Variants in LINGO2 observed in about 807,000 individuals in gnomAD.
LINGO2 encodes the protein leucine-rich repeat and immunoglobulin-like domain-containing nogo receptor-interacting protein 2.
A neutral mutation model predicts 30.6 loss-of-function variants in LINGO2; 14 were observed. That is an observed-to-expected ratio of 0.46 (90% CI 0.30 to 0.72). The LOEUF is 0.72. Ranked by LOEUF, LINGO2 falls within the 30% of genes least tolerant of loss-of-function variation. LINGO2 has a pLI of 0.07. For missense variants in LINGO2, 729 were observed against 751.7 expected, an observed-to-expected ratio of 0.97 and a Z score of 0.35; for synonymous variants, 317 against 288.5, an observed-to-expected ratio of 1.10 and a Z score of -1.00.
intron 4 of LINGO2, among the ~76,000 whole-genome samples, chr9:28,120,003 T>TA (rs1161125904): frequency 1.3e-5 from 2 of 152,194 alleles, no homozygotes; most frequent in South Asian, 2.1e-4. Flanking sequence ...AAAGATAGAA[T>TA]AAAAAATGCA....
At chr9:29,142,845 G>C in the LINGO2 span, among the ~76,000 whole-genome samples, 1 of 151,794 alleles carries the variant, frequency 6.6e-6, no homozygotes, top group African/African-American at 2.4e-5. Context: ...CATTGAGAGA[G>C]GAATAAGTAA....
the LINGO2 span, among the ~76,000 whole-genome samples, chr9:29,144,171 C>A: frequency 0.16 from 24,195 of 152,040 alleles, 2,043 homozygotes; most frequent in East Asian, 0.34. Context: ...GTTACTATAG[C>A]CTTGTAGTAG....
chr9:28,040,713 C>A (rs1824162800), intron 4 of LINGO2, among the ~76,000 whole-genome samples: 1 of 152,054 alleles, frequency 6.6e-6, no homozygotes, highest in Non-Finnish European at 1.5e-5. Context: ...TCAAAGGAAG[C>A]TTTATTATTC....
At chr9:28,989,192 C>T in the LINGO2 span, among the ~76,000 whole-genome samples, 1 of 152,170 alleles carries the variant, frequency 6.6e-6, no homozygotes, top group Non-Finnish European at 1.5e-5. Flanking sequence ...CCAGTGGGCT[C>T]ACAATCTAAA....
At chr9:28,401,444 T>C (rs968642098) in intron 2 of LINGO2, among the ~76,000 whole-genome samples, 5 of 152,214 alleles carry the variant, frequency 3.3e-5, no homozygotes, top group African/African-American at 1.2e-4. Flanking sequence ...GCTTCATCCA[T>C]GTCCCTGCAA....
chr9:28,529,058 A>C (rs1564268856), intron 1 of LINGO2, among the ~76,000 whole-genome samples: 1 of 152,130 alleles, frequency 6.6e-6, no homozygotes, highest in Non-Finnish European at 1.5e-5. Context: ...GAATAGTTTT[A>C]GAAAGTCCTT....
At chr9:28,349,828 G>C (rs1443666509) in intron 3 of LINGO2, among the ~76,000 whole-genome samples, 4 of 152,054 alleles carry the variant, frequency 2.6e-5, no homozygotes, top group African/African-American at 4.8e-5. Context: ...AGCCAGAAGA[G>C]ACTGGGGGCC....
chr9:29,026,471 T>A, the LINGO2 span, among the ~76,000 whole-genome samples: 202 of 152,264 alleles, frequency 1.3e-3, no homozygotes, highest in African/African-American at 4.7e-3. Context: ...TAATACTATG[T>A]GTGTGCCTCA....
intron 4 of LINGO2, among the ~76,000 whole-genome samples, chr9:28,143,115 G>A (rs1041763229): frequency 6.6e-6 from 1 of 152,198 alleles, no homozygotes; most frequent in African/African-American, 2.4e-5. Context: ...TAAATAAGTG[G>A]TAAGCTAGTC....
intron 1 of LINGO2, among the ~76,000 whole-genome samples, chr9:28,572,708 G>C (rs1190483952): frequency 6.6e-6 from 1 of 151,920 alleles, no homozygotes; most frequent in Non-Finnish European, 1.5e-5. Flanking sequence ...TATGTGAAGG[G>C]GTCTGACAGT....
intron 2 of LINGO2, among the ~76,000 whole-genome samples, chr9:28,400,195 T>A (rs768659467): frequency 6.6e-6 from 1 of 152,108 alleles, no homozygotes; most frequent in Non-Finnish European, 1.5e-5. Flanking sequence ...TAGCCTATTT[T>A]GTGAAGAGAA....
chr9:28,182,652 T>C (rs1819395654), intron 4 of LINGO2, among the ~76,000 whole-genome samples: 1 of 152,102 alleles, frequency 6.6e-6, no homozygotes. Context: ...GCAAAGGATA[T>C]GAACAGACAC....
intron 4 of LINGO2, among the ~76,000 whole-genome samples, chr9:28,052,404 C>T (rs539278860): frequency 5.0e-4 from 76 of 152,152 alleles, no homozygotes; most frequent in African/African-American, 1.8e-3. Context: ...GGTTAGTAGC[C>T]ACTGTGGGGA....
At chr9:28,559,942 C>G (rs1158447354) in intron 1 of LINGO2, among the ~76,000 whole-genome samples, 1 of 152,036 alleles carries the variant, frequency 6.6e-6, no homozygotes, top group Non-Finnish European at 1.5e-5. Context: ...CCTCTCTATT[C>G]TCCAACATCT....
chr9:28,564,283 TCTC>T (rs1419919677), intron 1 of LINGO2, among the ~76,000 whole-genome samples: 2 of 152,064 alleles, frequency 1.3e-5, no homozygotes, highest in Non-Finnish European at 2.9e-5. Flanking sequence ...TTATAGGTAG[TCTC>T]CTAAGATTAG....
chr9:28,940,659 T>G, the LINGO2 span, among the ~76,000 whole-genome samples: 1 of 152,162 alleles, frequency 6.6e-6, no homozygotes. Context: ...AAACTTTGTA[T>G]GTGCATATGT....
At chr9:28,421,520 T>C (rs1823197495) in intron 2 of LINGO2, among the ~76,000 whole-genome samples, 1 of 151,590 alleles carries the variant, frequency 6.6e-6, no homozygotes, top group Admixed American at 6.6e-5. Context: ...TCTCACACTT[T>C]CTGATTTTAA....
chr9:28,304,209 T>C (rs914881191), intron 3 of LINGO2, among the ~76,000 whole-genome samples: 1 of 151,190 alleles, frequency 6.6e-6, no homozygotes, highest in Admixed American at 6.6e-5. Flanking sequence ...TACAGAAATT[T>C]GTTCTTTGAA....
At chr9:29,129,600 G>A in the LINGO2 span, among the ~76,000 whole-genome samples, 4 of 152,048 alleles carry the variant, frequency 2.6e-5, no homozygotes, top group South Asian at 2.1e-4. Flanking sequence ...GTTGACACAT[G>A]GTTCTGTATT....
Sources: allele counts gnomAD v4.1 joint callset (sites outside exome capture counted in the v4.1 genomes callset), GRCh38; gene constraint gnomAD v4.1.1; transcripts MANE v1.5; gene names NCBI Gene and HGNC (gene_info 2026-07-23, HGNC 2026-07-21).